Variants in DNAJC19 observed in about 807,000 individuals in gnomAD.
DNAJC19 encodes the protein DnaJ heat shock protein family (Hsp40) member C19.
In DNAJC19, 15 loss-of-function variants were observed where a neutral mutation model predicts 19.8. That is an observed-to-expected ratio of 0.76 (90% CI 0.51 to 1.17). The LOEUF is 1.17. Among genes scored for constraint, DNAJC19 ranks in the 50% most tolerant of loss-of-function variants. The pLI, the probability that DNAJC19 is intolerant of heterozygous loss-of-function variation, is 0.00. For missense variants in DNAJC19, 105 were observed against 140.9 expected (o/e 0.75, Z 1.29); for synonymous variants, 38 against 42.1 (o/e 0.90, Z 0.38).
chr3:180,989,136 C>T (rs1316571384), intron 1 of DNAJC19, among the ~76,000 whole-genome samples: 2 of 152,074 alleles, frequency 1.3e-5, no homozygotes, highest in African/African-American at 2.4e-5. Context: ...GAGACTAATA[C>T]CTTTGGCACT....
chr3:180,989,394 G>T, intron 1 of DNAJC19: 2 of 1,436,862 alleles, frequency 1.4e-6, no homozygotes, highest in Non-Finnish European at 1.8e-6. Flanking sequence ...CTGGAGAACC[G>T]TGCAGAAAGA....
intron 5 of DNAJC19, 23 bp downstream of exon 5, chr3:180,985,903 A>T (rs373054567): frequency 6.2e-6 from 10 of 1,600,604 alleles, no homozygotes; most frequent in Non-Finnish European, 8.6e-6. Context: ...AACAACATCA[A>T]CGAGAATTTA....
At position 180,988,078 on chromosome 3, in the gene DNAJC19, G is replaced by A; in HGVS notation, c.74C>T (p.Ala25Val). 1 of 1,614,120 alleles carries A rather than the reference G, an allele frequency of 6.2e-7. No individual in the cohort carries two copies. Among genetic ancestry groups the A allele is most frequent in the Non-Finnish European group, 8.5e-7 (1 of 1,180,024 alleles). The part of the protein sequence containing the change: ...AGFAGRYVLQ[A>V]MKHMEPQVKQ... ...TACTTGAGGCTCCATATGCTTCATG[G>A]CTTGCAAAACGTAACGGCCTAAAAC... Residue 25 changes from alanine to valine, a missense_variant, in exon 3 of 6, where the codon GCC (alanine) becomes GTC (valine). Transcript: ENST00000382564.
chr3:180,989,332 C>G, intron 1 of DNAJC19: 9 of 1,418,054 alleles, frequency 6.3e-6, no homozygotes, highest in Non-Finnish European at 8.3e-6. Flanking sequence ...AGCCTCTGAC[C>G]TTACAGGAGT....
At chr3:180,989,343 T>C (rs1678760201) in intron 1 of DNAJC19, 1 of 1,420,250 alleles carries the variant, frequency 7.0e-7, no homozygotes, top group African/African-American at 1.4e-5. Context: ...TTACAGGAGT[T>C]CCAGGCAAGC....
chr3:180,987,327 T>C (rs888977777), intron 3 of DNAJC19: 1 of 370,886 alleles, frequency 2.7e-6, no homozygotes. Context: ...TCATTCCAAA[T>C]TAGCCATATT....
rs13097207 is a variant in DNAJC19, at chr3:180,988,357, T to A, written c.4-128A>T. 5.5e-6 allele frequency: 5 copies of A among 902,358 alleles called. No individual in the cohort carries two copies. In the Admixed American group the frequency reaches 8.6e-5, roughly 15 times the overall value. 55.9% of individuals were successfully genotyped at this position (902,358 alleles called of 1,614,324 possible). On this transcript the variant is annotated intron_variant, in intron 1 of 5. Transcript: ENST00000382564. ...GGAGAAACAACTTTTTTTTTTCTTTTTTTTTTTTTTTTTTTAAGAGACGGA... is the reference window on the plus strand; with the variant it reads ...GGAGAAACAACTTTTTTTTTTCTTTATTTTTTTTTTTTTTTAAGAGACGGA...
intron 1 of DNAJC19, chr3:180,989,263 G>C: frequency 7.9e-7 from 1 of 1,267,294 alleles, no homozygotes; most frequent in Non-Finnish European, 1.0e-6. Flanking sequence ...CTGTGAAGAT[G>C]TGTTAGGGCA....
chr3:180,989,643 T>C lies in DNAJC19; in HGVS notation c.-41A>G. On this transcript the variant is annotated 5_prime_UTR_variant, in exon 1 of 6. Transcript: ENST00000382564. ...CCCTTGCTTCCACCGGGAGCACGGC[T>C]CATCCCAGCTCAGAGGCCGCGGCCA... The C allele has an allele frequency of 5.7e-6, 9 of 1,578,880 alleles. No individual in the cohort carries two copies. Among genetic ancestry groups the C allele is most frequent in the Non-Finnish European group, 7.7e-6 (9 of 1,163,010 alleles).
chr3:180,985,784 A>G, intron 5 of DNAJC19, 142 bp downstream of exon 5: 1 of 734,032 alleles, frequency 1.4e-6, no homozygotes, highest in Non-Finnish European at 2.3e-6. Flanking sequence ...AAGACACCAA[A>G]AATATATGGC....
intron 1 of DNAJC19, 112 bp from the exon 2 acceptor site, chr3:180,988,341 A>AC: frequency 8.5e-7 from 1 of 1,179,796 alleles, no homozygotes; most frequent in Admixed American, 2.7e-5. Context: ...AGGAGAAACA[A>AC]CTTTTTTTTT....
At position 180,986,935 on chromosome 3, in the gene DNAJC19, TA is replaced by T. The variant is rs1714940857; in HGVS notation, c.209+7del. ...GAAAAATGCTAAAAATATTAGAGAT[TA>T]TTTTACCTTACACCTAGTATTAATG... On this transcript the variant is annotated splice_region_variant and intron_variant, in intron 4 of 5. Transcript: ENST00000382564. 1 of 1,610,924 alleles carries T rather than the reference TA, an allele frequency of 6.2e-7. No individual in the cohort carries two copies. The highest frequency in any genetic ancestry group is 1.3e-5 in the African/African-American group (1 of 74,860).
chr3:180,984,675 C>T lies in DNAJC19; in HGVS notation c.316G>A (p.Ala106Thr). The change falls in exon 6 of 6, where the codon GCT becomes ACT. Residue 106 changes from alanine (A) to threonine (T), a missense_variant. Ala to Thr is a moderately conservative substitution (Grantham distance 58, BLOSUM62 0). Coordinates refer to ENST00000382564, the MANE Select transcript of DNAJC19 (RefSeq NM_145261.4). ...SPYIAAKINE[A>T]KDLLEGQAKK Reference sequence around the variant, plus strand: ...GCTTGACCTTCTAGTAAATCTTTAGCTTCATTGATTTTGGCTGCTATATAA... The same window carrying T: ...GCTTGACCTTCTAGTAAATCTTTAGTTTCATTGATTTTGGCTGCTATATAA... The T allele has an allele frequency of 1.2e-6, 2 of 1,608,710 alleles. No homozygotes were observed. Among genetic ancestry groups the T allele is most frequent in the Non-Finnish European group, 8.5e-7 (1 of 1,176,488 alleles).
Position 180,983,821 on chromosome 3 carries a change from C to T in DNAJC19, c.*819G>A. On this transcript the variant is annotated 3_prime_UTR_variant, in exon 6 of 6. Coordinates refer to ENST00000382564, the MANE Select transcript of DNAJC19 (RefSeq NM_145261.4). Reference sequence around the variant, plus strand: ...TTCAGTTTTGCTAACAGGGTTTAAGCTTAATCATAACAATTGCAGAAGTTT... The same window carrying T: ...TTCAGTTTTGCTAACAGGGTTTAAGTTTAATCATAACAATTGCAGAAGTTT... The T allele has an allele frequency of 2.2e-6, 1 of 453,978 alleles. No individual in the cohort carries two copies. Among genetic ancestry groups the T allele is most frequent in the South Asian group, 1.6e-5 (1 of 64,458 alleles). The allele number at this position is 453,978 out of a possible 1,614,324, so 28.1% of individuals were successfully genotyped here. A position where few individuals can be genotyped will look rare whatever the true frequency, so the allele number is the denominator to read the frequency against.
At position 180,983,768 on chromosome 3, in the gene DNAJC19, A is replaced by G. The variant is rs775803693; in HGVS notation, c.*872T>C. ...ATAAATTCTAAAGAGTCCAAATTAA[A>G]TATGTTGATATTGAGAACATTTCAG... On this transcript the variant is annotated 3_prime_UTR_variant, in exon 6 of 6. Transcript: ENST00000382564. 1 of 451,956 alleles carries G rather than the reference A, an allele frequency of 2.2e-6. No homozygotes were observed. Among genetic ancestry groups the G allele is most frequent in the Non-Finnish European group, 4.4e-6 (1 of 225,976 alleles). The allele number at this position is 451,956 out of a possible 1,614,324, so 28.0% of individuals were successfully genotyped here.
intron 3 of DNAJC19, chr3:180,987,300 C>T (rs1373614888): frequency 9.3e-6 from 4 of 429,334 alleles, no homozygotes; most frequent in East Asian, 4.5e-5. Flanking sequence ...CCAGGTCTTC[C>T]GGGAGTAAAG....
Position 180,985,973 on chromosome 3 carries a change from A to G in DNAJC19, c.233T>C (p.Ile78Thr). 3.1e-6 allele frequency: 5 copies of G among 1,613,392 alleles called. No homozygotes were observed. Among genetic ancestry groups the G allele is most frequent in the Non-Finnish European group, 4.2e-6 (5 of 1,179,780 alleles). ...CATAATTCGTCGATGAGCATCTCTT[A>G]TTTTCCCTTTATTGGCAGTAGGGCT... is the stretch of plus-strand genomic sequence containing the variant. Reference protein sequence around the residue: ...GVSPTANKGKIRDAHRRIMLL... With the variant: ...GVSPTANKGKTRDAHRRIMLL... The change falls in exon 5 of 6, where the codon ATA becomes ACA. Residue 78 changes from isoleucine (I) to threonine (T), a missense_variant. Physicochemically the swap from Ile to Thr is moderately conservative, Grantham distance 89. Transcript: ENST00000382564.
At chr3:180,988,149 T>C (rs1715006036) in intron 2 of DNAJC19, 29 bp downstream of exon 2, 5 of 1,614,124 alleles carry the variant, frequency 3.1e-6, no homozygotes, top group Non-Finnish European at 4.2e-6. Flanking sequence ...CTCCCCGACT[T>C]CACTTCCATC....
At chr3:180,988,255 T>G (rs372386404) in intron 1 of DNAJC19, 26 bp from the exon 2 acceptor site, 22 of 1,613,636 alleles carry the variant, frequency 1.4e-5, no homozygotes, top group Non-Finnish European at 1.7e-5. Flanking sequence ...AGAGTAAATA[T>G]TTACTTCTCT....
Sources: allele counts gnomAD v4.1 joint callset (sites outside exome capture counted in the v4.1 genomes callset), GRCh38; gene constraint gnomAD v4.1.1; transcripts MANE v1.5; gene names NCBI Gene and HGNC (gene_info 2026-07-23, HGNC 2026-07-21).